The following FAAP100 variants were observed in gnomAD, a reference collection of about 807,000 sequenced individuals.
FAAP100 encodes the protein FA core complex associated protein 100.
FAAP100 carries 46 observed loss-of-function variants against 65.8 expected under a neutral mutation model. That is an observed-to-expected ratio of 0.70 (90% CI 0.55 to 0.89). FAAP100 has a LOEUF of 0.89. Ranked by LOEUF, FAAP100 falls within the 40% of genes least tolerant of loss-of-function variation. The pLI, the probability that FAAP100 is intolerant of heterozygous loss-of-function variation, is 0.00. For synonymous variants in FAAP100, 663 were observed against 555.1 expected (o/e 1.19, Z -2.73); for missense variants, 1,165 against 1,196.7 (o/e 0.97, Z 0.39).
intron 7 of FAAP100, 140 bp from the exon 8 acceptor site, chr17:81,541,535 T>C: frequency 2.7e-6 from 2 of 729,464 alleles, no homozygotes; most frequent in South Asian, 3.2e-5. Flanking sequence ...AGCGCTTTGC[T>C]GTTTTCCACC....
chr17:81,552,919 T>G (rs148652057), upstream of FAAP100, among the ~76,000 whole-genome samples: 690 of 150,442 alleles, frequency 4.6e-3, 4 homozygotes, highest in Admixed American at 8.3e-3. Flanking sequence ...AGTGCGTCCC[T>G]CCCTCCGTGG....
At chr17:81,549,391 C>A in intron 3 of FAAP100, 29 bp from the exon 4 acceptor site, 2 of 1,583,754 alleles carry the variant, frequency 1.3e-6, no homozygotes, top group South Asian at 2.2e-5. Flanking sequence ...GGGGCCTGGT[C>A]AGCGGCTGGG....
chr17:81,552,462 G>T, upstream of FAAP100: 1 of 860,506 alleles, frequency 1.2e-6, no homozygotes, highest in Non-Finnish European at 1.5e-6. Flanking sequence ...GGGGCGGGCC[G>T]GAAAGGACGC....
chr17:81,541,184 C>A (rs540152603), intron 8 of FAAP100, 125 bp downstream of exon 8: 3 of 1,208,816 alleles, frequency 2.5e-6, no homozygotes, highest in Admixed American at 2.1e-5. Flanking sequence ...TTGCCCCAGG[C>A]CCATGGGAGC....
chr17:81,541,346 C>T lies in FAAP100; in HGVS notation c.2477G>A (p.Arg826His), dbSNP rs771285947. ...GTGGATCTGGCGGAGGTACTGCACA[C>T]GGAGATCAGGAGCGCTGGAGCCCTG... The part of the protein sequence containing the change: ...ATQGSSAPDL[R>H]VQYLRQIHAN... The change falls in exon 8 of 9, where the codon CGT (arginine) becomes CAT (histidine). Residue 826 changes from arginine to histidine, a missense_variant. Coordinates refer to ENST00000327787, the MANE Select transcript of FAAP100 (RefSeq NM_025161.6). 2.6e-5 allele frequency: 42 copies of T among 1,611,746 alleles called. No homozygotes were observed. Among genetic ancestry groups the T allele is most frequent in the African/African-American group, 4.0e-5 (3 of 74,926 alleles).
At chr17:81,552,373 G>A, upstream of FAAP100, 1 of 1,309,104 alleles carries the variant, frequency 7.6e-7, no homozygotes, top group Non-Finnish European at 9.6e-7. Flanking sequence ...CGGCCGCGCG[G>A]CGGCGGCTCC....
upstream of FAAP100, chr17:81,552,456 CG>C: frequency 1.0e-6 from 1 of 961,042 alleles, no homozygotes; most frequent in Non-Finnish European, 1.4e-6. Flanking sequence ...GTGCCGGGGG[CG>C]GGCCGGAAAG....
intron 7 of FAAP100, among the ~76,000 whole-genome samples, chr17:81,542,572 G>A (rs1568091232): frequency 1.3e-5 from 2 of 152,116 alleles, no homozygotes; most frequent in Non-Finnish European, 2.9e-5. Context: ...CCTGGGGCGG[G>A]CACCTAGCTG....
chr17:81,551,144 G>C lies in FAAP100; in HGVS notation c.350C>G (p.Pro117Arg). 6.5e-7 allele frequency: 1 copy of C among 1,547,408 alleles called. No individual in the cohort carries two copies. Among genetic ancestry groups the C allele is most frequent in the Non-Finnish European group, 8.7e-7 (1 of 1,144,624 alleles). ...AAGGATGCAGGCATCGGGGTCCACA[G>C]GGATCACGGGGGAAGGCTGGTCACC... ...EDGDQPSPVI[P>R]VDPDACILPD... The change falls in exon 3 of 9, where the codon CCT becomes CGT. Residue 117 changes from proline (P) to arginine (R), a missense_variant. Pro to Arg is a moderately radical substitution (Grantham distance 103). Coordinates refer to ENST00000327787, the MANE Select transcript of FAAP100 (RefSeq NM_025161.6).
At chr17:81,552,124 G>T in intron 1 of FAAP100, 42 bp downstream of exon 1, 1 of 1,471,412 alleles carries the variant, frequency 6.8e-7, no homozygotes, top group Non-Finnish European at 8.9e-7. Context: ...GCGAACCGCC[G>T]CCCCCGCCCG....
intron 6 of FAAP100, 32 bp from the exon 7 acceptor site, chr17:81,544,152 T>G: frequency 6.4e-7 from 1 of 1,550,748 alleles, no homozygotes; most frequent in South Asian, 1.1e-5. Flanking sequence ...ACTGCCTGCC[T>G]GTGGCACTCC....
Position 81,546,985 on chromosome 17 carries a change from C to T in FAAP100, c.2097G>A (p.Glu699=). 1 of 1,500,900 alleles carries T rather than the reference C, an allele frequency of 6.7e-7. No individual in the cohort carries two copies. The highest frequency in any genetic ancestry group is 8.9e-7 in the Non-Finnish European group (1 of 1,124,870). The allele number at this position is 1,500,900 out of a possible 1,614,324, so 93.0% of individuals were successfully genotyped here. ...TGGAAGCCACAGATGGGGGCAGGTACTCGGCCCGCAGGGAGGCGGGTCCTG... is the reference window on the plus strand; with the variant it reads ...TGGAAGCCACAGATGGGGGCAGGTATTCGGCCCGCAGGGAGGCGGGTCCTG... ...QPAGPASLRA[E]YLPPSVASIK... is the part of the protein sequence containing the mutation. The change falls in exon 5 of 9, where the codon GAG becomes GAA. Residue 699 remains glutamate (E), a synonymous_variant. Transcript: ENST00000327787.
chr17:81,550,714 G>T lies in FAAP100; in HGVS notation c.780C>A (p.Thr260=). The T allele has an allele frequency of 1.2e-6, 2 of 1,612,888 alleles. No homozygotes were observed. The highest frequency in any genetic ancestry group is 2.2e-5 in the South Asian group (2 of 91,066). ...LCCVILKALV[T]SRSAPGDPNA... Reference sequence around the variant, plus strand: ...TTGGGTCACCAGGGGCTGACCTGGAGGTGACCAGGGCCTTCAGGATCACAC... The same window carrying T: ...TTGGGTCACCAGGGGCTGACCTGGATGTGACCAGGGCCTTCAGGATCACAC... Residue 260 remains threonine, a synonymous_variant, in exon 3 of 9, where the codon ACC becomes ACA. Coordinates refer to ENST00000327787, the MANE Select transcript of FAAP100 (RefSeq NM_025161.6).
At chr17:81,548,110 C>T (rs2033375971) in intron 4 of FAAP100, 3 of 615,980 alleles carry the variant, frequency 4.9e-6, no homozygotes, top group Admixed American at 2.6e-5. Flanking sequence ...CCAGGGGGGT[C>T]GCAGGCGCTA....
chr17:81,545,603 T>C (rs2033269970), intron 6 of FAAP100, 143 bp downstream of exon 6: 2 of 1,183,134 alleles, frequency 1.7e-6, no homozygotes, highest in Admixed American at 2.8e-5. Flanking sequence ...GAGGGGAAAC[T>C]GTCATATCAG....
At chr17:81,545,615 G>T in intron 6 of FAAP100, 131 bp downstream of exon 6, 2 of 1,264,524 alleles carry the variant, frequency 1.6e-6, no homozygotes, top group Non-Finnish European at 2.1e-6. Flanking sequence ...TCATATCAGA[G>T]TCCTCCGGGA....
At position 81,544,171 on chromosome 17, in the gene FAAP100, C is replaced by CG. The variant is rs745798604; in HGVS notation, c.2311-52dup. The CG allele has an allele frequency of 5.4e-6, 8 of 1,473,992 alleles. No individual in the cohort carries two copies. The African/African-American group carries it at 5.5e-5, about 10-fold the overall frequency. The allele number at this position is 1,473,992 out of a possible 1,614,324, so 91.3% of individuals were successfully genotyped here. A position where few individuals can be genotyped will look rare whatever the true frequency, so the allele number is the denominator to read the frequency against. The stretch of plus-strand genomic sequence containing the variant: ...CCTGCCTGTGGCACTCCCACCTGCC[C>CG]GGGGGGCTCAGGCTACACAGGAGCC... On this transcript the variant is annotated intron_variant, in intron 6 of 8. Coordinates refer to ENST00000327787, the MANE Select transcript of FAAP100 (RefSeq NM_025161.6).
In FAAP100 at chr17:81,550,308, G is replaced by C; in HGVS notation, c.1186C>G (p.Pro396Ala). 2 of 1,612,684 alleles carry C rather than the reference G, an allele frequency of 1.2e-6. No individual in the cohort carries two copies. Among genetic ancestry groups the C allele is most frequent in the Non-Finnish European group, 1.7e-6 (2 of 1,179,892 alleles). ...GPGGLPPMLC[P>A]ASLNICSVVS... ...ACACTGCAGATGTTCAGGCTGGCTGGGCACAGCATGGGGGGCAGGCCTCCC... is the reference window on the plus strand; with the variant it reads ...ACACTGCAGATGTTCAGGCTGGCTGCGCACAGCATGGGGGGCAGGCCTCCC... Residue 396 changes from proline (P) to alanine (A), a missense_variant, in exon 3 of 9, where the codon CCA (proline) becomes GCA (alanine). By Grantham distance (27) the Pro-to-Ala change is conservative. Transcript: ENST00000327787.
Position 81,551,542 on chromosome 17 carries a change from G to A in FAAP100, c.291-339C>T, listed in dbSNP as rs373843406. The stretch of plus-strand genomic sequence containing the variant: ...CTGAAGACAGGCCTGGCTGCCCGGA[G>A]CTCGCTTCCTTCCAACCCAGATGGT... On this transcript the variant is annotated intron_variant, in intron 2 of 8. Coordinates refer to ENST00000327787, the MANE Select transcript of FAAP100 (RefSeq NM_025161.6). Among the ~76,000 whole-genome samples, 7 of 152,248 alleles carry A rather than the reference G, an allele frequency of 4.6e-5. No individual in the cohort carries two copies. The East Asian group carries it at 7.7e-4, about 17-fold the overall frequency.
Sources: gnomAD v4.1 joint callset for allele counts (sites outside exome capture counted in the v4.1 genomes callset) on GRCh38, gnomAD v4.1.1 for gene constraint, MANE v1.5 for transcripts, NCBI Gene and HGNC (gene_info 2026-07-23, HGNC 2026-07-21) for gene names.